Variants in CCDC7 observed in about 807,000 individuals in gnomAD.
CCDC7 encodes coiled-coil domain containing 7.
CCDC7 carries 183 observed loss-of-function variants against 196.9 expected under a neutral mutation model. The ratio of observed to expected loss-of-function variants is 0.93; its 90% CI spans 0.82 to 1.05. The LOEUF is 1.05. Among genes scored for constraint, CCDC7 ranks in the 50% least tolerant of loss-of-function variants. The pLI is 0.00. For missense variants in CCDC7, 1,540 were observed against 1,482.2 expected (o/e 1.04, Z -0.64); for synonymous variants, 525 against 484.6 (o/e 1.08, Z -1.10).
chr10:32,739,013 A>G (rs1475514187), intron 28 of CCDC7, among the ~76,000 whole-genome samples: 1 of 152,092 alleles, frequency 6.6e-6, no homozygotes, highest in Non-Finnish European at 1.5e-5. Context: ...CAACACTTGA[A>G]TATTTTAAAT....
intron 9 of CCDC7, among the ~76,000 whole-genome samples, chr10:32,502,628 T>G (rs2044251150): frequency 6.6e-6 from 1 of 152,210 alleles, no homozygotes; most frequent in Non-Finnish European, 1.5e-5. Flanking sequence ...TTGTGATTGC[T>G]TTGGCTACTC....
intron 18 of CCDC7, among the ~76,000 whole-genome samples, chr10:32,600,900 G>C (rs2060927999): frequency 6.6e-6 from 1 of 152,104 alleles, no homozygotes; most frequent in African/African-American, 2.4e-5. Context: ...TGTATTAACT[G>C]TCTCATGATC....
At chr10:32,445,841 A>G (rs1454886567), upstream of CCDC7, among the ~76,000 whole-genome samples, 1 of 152,202 alleles carries the variant, frequency 6.6e-6, no homozygotes, top group Admixed American at 6.5e-5. Flanking sequence ...CTGGTTTTGT[A>G]GCTGAAGCCC....
intron 13 of CCDC7, among the ~76,000 whole-genome samples, chr10:32,545,329 A>G (rs2052240225): frequency 6.6e-6 from 1 of 152,226 alleles, no homozygotes; most frequent in African/African-American, 2.4e-5. Flanking sequence ...AGAGTACTGT[A>G]CAATCTTAAA....
intron 24 of CCDC7, among the ~76,000 whole-genome samples, chr10:32,700,009 G>C (rs2078400932): frequency 1.3e-5 from 2 of 149,520 alleles, no homozygotes; most frequent in South Asian, 4.2e-4. Context: ...TAGGTTGCCT[G>C]TTCACTCTGA....
upstream of CCDC7, among the ~76,000 whole-genome samples, chr10:32,451,340 C>G (rs1036975691): frequency 6.6e-6 from 1 of 152,114 alleles, no homozygotes; most frequent in Non-Finnish European, 1.5e-5. Context: ...AATTATGGAG[C>G]TTTTACTGTT....
chr10:32,539,390 TCTA>T (rs753026723), intron 11 of CCDC7, among the ~76,000 whole-genome samples: 1 of 152,168 alleles, frequency 6.6e-6, no homozygotes, highest in Non-Finnish European at 1.5e-5. Context: ...CTTTGTCATC[TCTA>T]ATTGTGTTTA....
chr10:32,846,819 T>C (rs1317966527), intron 37 of CCDC7, among the ~76,000 whole-genome samples: 3 of 152,208 alleles, frequency 2.0e-5, no homozygotes, highest in Admixed American at 1.3e-4. Flanking sequence ...AAGACTGCGA[T>C]GACAAGAGGA....
Position 32,472,469 on chromosome 10 carries a change from G to A in CCDC7, c.678-12G>A, listed in dbSNP as rs762725170. 39 of 1,556,778 alleles carry A rather than the reference G, an allele frequency of 2.5e-5. No individual in the cohort carries two copies. The highest frequency in any genetic ancestry group is 1.2e-4 in the South Asian group (9 of 77,542). Reference sequence around the variant, plus strand: ...TATATTAAAAAATATTTCATTTATCGAACTTTAACAGGGATAAAGAAAATC... The same window carrying A: ...TATATTAAAAAATATTTCATTTATCAAACTTTAACAGGGATAAAGAAAATC... On this transcript the variant is annotated splice_polypyrimidine_tract_variant and intron_variant, in intron 6 of 41. Coordinates refer to ENST00000639629, the Ensembl canonical transcript of CCDC7.
intron 28 of CCDC7, among the ~76,000 whole-genome samples, chr10:32,754,815 G>T (rs992778132): frequency 6.6e-6 from 1 of 152,208 alleles, no homozygotes; most frequent in Non-Finnish European, 1.5e-5. Flanking sequence ...GAAGCAGGGC[G>T]GGGCACTGCC....
chr10:32,611,888 G>T (rs1158928734), intron 18 of CCDC7, among the ~76,000 whole-genome samples: 2 of 152,160 alleles, frequency 1.3e-5, no homozygotes, highest in African/African-American at 4.8e-5. Context: ...GCTTAGGATT[G>T]TCTTGGCTAT....
At chr10:32,568,502 T>G (rs939217297) in intron 15 of CCDC7, among the ~76,000 whole-genome samples, 1 of 152,132 alleles carries the variant, frequency 6.6e-6, no homozygotes, top group African/African-American at 2.4e-5. Context: ...CCTGGAAAGA[T>G]AAATAATAAA....
downstream of CCDC7, among the ~76,000 whole-genome samples, chr10:32,880,334 G>A (rs989644291): frequency 2.0e-5 from 3 of 152,004 alleles, no homozygotes; most frequent in South Asian, 2.1e-4. Flanking sequence ...GTGTTTCTTG[G>A]CCACATAAAT....
chr10:32,721,613 A>G lies in CCDC7; in HGVS notation c.2570-5121A>G, dbSNP rs573915851. On this transcript the variant is annotated intron_variant, in intron 25 of 41. Transcript: ENST00000639629. The stretch of plus-strand genomic sequence containing the variant: ...CCAATAGTCCCTGGGACTTCTTTAT[A>G]TTTGTTGGGATAGAGTGGGCCAAAG... 2.0e-5 allele frequency among the ~76,000 whole-genome samples: 3 copies of G among 151,982 alleles called. No individual in the cohort carries two copies. The East Asian group carries it at 5.8e-4, about 29-fold the overall frequency.
At chr10:32,711,545 T>G in intron 24 of CCDC7, 75 bp from the exon 26 acceptor site, 1 of 854,208 alleles carries the variant, frequency 1.2e-6, no homozygotes, top group Non-Finnish European at 1.8e-6. Flanking sequence ...CTTCCACTTG[T>G]TATAAATTTG....
At chr10:32,670,049 G>A (rs963409784) in intron 21 of CCDC7, among the ~76,000 whole-genome samples, 1 of 152,092 alleles carries the variant, frequency 6.6e-6, no homozygotes, top group Non-Finnish European at 1.5e-5. Context: ...TTGTAAGAGG[G>A]ATTGGATACT....
rs143523949 is a variant in CCDC7, at chr10:32,681,840, C to T, written c.2123-4130C>T. 8.7e-4 allele frequency among the ~76,000 whole-genome samples: 131 copies of T among 150,764 alleles called. 1 individual carries two copies. Among genetic ancestry groups the T allele is most frequent in the African/African-American group, 2.9e-3 (119 of 40,870 alleles). On this transcript the variant is annotated intron_variant, in intron 21 of 41. Coordinates refer to ENST00000639629, the Ensembl canonical transcript of CCDC7. ...ATGTGCATATAAACATGGATATAGACCTGTAAAGTCATATTTAGAATTCAT... is the reference window on the plus strand; with the variant it reads ...ATGTGCATATAAACATGGATATAGATCTGTAAAGTCATATTTAGAATTCAT...
Position 32,527,735 on chromosome 10 carries a change from A to G in CCDC7, c.993+9230A>G, listed in dbSNP as rs149807026. Among the ~76,000 whole-genome samples the G allele has an allele frequency of 6.6e-3, 1,009 of 152,336 alleles. 8 individuals carry two copies. The highest frequency in any genetic ancestry group is 0.022 in the African/African-American group (904 of 41,572). ...GTAATTGTTATATCCACACAAGGGT[A>G]GTGACCAAGAAATCTGAGAAGTAGT... On this transcript the variant is annotated intron_variant, in intron 11 of 41. Transcript: ENST00000639629.
At chr10:32,642,648 CCCCGCACCCACTGT>C (rs1013374248) in intron 20 of CCDC7, among the ~76,000 whole-genome samples, 123 of 152,290 alleles carry the variant, frequency 8.1e-4, no homozygotes, top group African/African-American at 2.7e-3. Context: ...AGGCTCGGTG[CCCCGCACCCACTGT>C]CCTGCAACCA....
Sources: allele counts gnomAD v4.1 joint callset (sites outside exome capture counted in the v4.1 genomes callset), GRCh38; gene constraint gnomAD v4.1.1; transcripts MANE v1.5; gene names NCBI Gene and HGNC (gene_info 2026-07-23, HGNC 2026-07-21).